Variants in PRKG1 observed in about 807,000 individuals in gnomAD.
PRKG1 encodes the protein cGMP-dependent protein kinase 1.
In PRKG1, 35 loss-of-function variants were observed where a neutral mutation model predicts 88.1. That is an observed-to-expected ratio of 0.40 (90% CI 0.30 to 0.53). PRKG1 has a LOEUF of 0.53. Ranked by LOEUF, PRKG1 falls within the 20% of genes least tolerant of loss-of-function variation. The pLI, the probability that PRKG1 is intolerant of heterozygous loss-of-function variation, is 0.59. For synonymous variants in PRKG1, 303 were observed against 292.5 expected (o/e 1.04, Z -0.37); for missense variants, 540 against 839.8 (o/e 0.64, Z 4.41).
chr10:51,365,999 T>A (rs899376841), intron 2 of PRKG1, among the ~76,000 whole-genome samples: 4 of 151,916 alleles, frequency 2.6e-5, no homozygotes, highest in Admixed American at 2.6e-4. Context: ...ATCACTCAAG[T>A]TCTATATCTT....
intron 3 of PRKG1, among the ~76,000 whole-genome samples, chr10:51,707,287 G>C (rs1404381602): frequency 2.0e-5 from 3 of 152,122 alleles, no homozygotes; most frequent in African/African-American, 7.2e-5. Context: ...AACTTTGACT[G>C]TGGAGGATAT....
At chr10:52,036,905 G>A (rs1308562014) in intron 5 of PRKG1, among the ~76,000 whole-genome samples, 25 of 152,226 alleles carry the variant, frequency 1.6e-4, no homozygotes, top group Non-Finnish European at 3.1e-4. Flanking sequence ...AGAAGGTAAT[G>A]TGGAGTGGGT....
At chr10:51,865,907 A>G (rs1322740580) in intron 4 of PRKG1, among the ~76,000 whole-genome samples, 1 of 152,038 alleles carries the variant, frequency 6.6e-6, no homozygotes, top group Non-Finnish European at 1.5e-5. Context: ...AGAATATGGA[A>G]CATAAATATA....
chr10:51,941,715 G>C (rs1287938641), intron 5 of PRKG1, among the ~76,000 whole-genome samples: 2 of 147,496 alleles, frequency 1.4e-5, no homozygotes, highest in Non-Finnish European at 3.0e-5. Context: ...TTGGTTTTTT[G>C]TCCTTGCGAT....
intron 2 of PRKG1, among the ~76,000 whole-genome samples, chr10:51,203,493 A>G (rs1395192206): frequency 1.3e-5 from 2 of 152,168 alleles, no homozygotes; most frequent in Non-Finnish European, 2.9e-5. Context: ...CTAAAAACCA[A>G]GAGGAAATGG....
At chr10:51,416,548 A>G (rs1838245159) in intron 2 of PRKG1, among the ~76,000 whole-genome samples, 1 of 152,228 alleles carries the variant, frequency 6.6e-6, no homozygotes. Flanking sequence ...ACCGGGACAC[A>G]GTAATCTTGT....
At chr10:51,919,787 G>T (rs766314633) in intron 5 of PRKG1, among the ~76,000 whole-genome samples, 36 of 151,710 alleles carry the variant, frequency 2.4e-4, no homozygotes, top group Non-Finnish European at 5.2e-4. Context: ...ATCCTATATT[G>T]CCTGGAACTT....
intron 1 of PRKG1, among the ~76,000 whole-genome samples, chr10:51,031,594 T>G (rs1291792215): frequency 6.6e-6 from 1 of 152,196 alleles, no homozygotes; most frequent in Non-Finnish European, 1.5e-5. Flanking sequence ...CATATTGCTC[T>G]TTACTGTATA....
chr10:51,496,945 C>G (rs1161478234), intron 3 of PRKG1, among the ~76,000 whole-genome samples: 1 of 152,158 alleles, frequency 6.6e-6, no homozygotes, highest in Non-Finnish European at 1.5e-5. Flanking sequence ...ATATTTCCTT[C>G]ATTCTAAACT....
intron 2 of PRKG1, among the ~76,000 whole-genome samples, chr10:51,222,179 C>T (rs565730209): frequency 6.6e-6 from 1 of 150,962 alleles, no homozygotes; most frequent in South Asian, 2.1e-4. Context: ...AGCCACCGCG[C>T]CCAGCCTGTT....
chr10:52,280,470 T>G (rs1411810423), intron 12 of PRKG1, among the ~76,000 whole-genome samples: 1 of 152,200 alleles, frequency 6.6e-6, no homozygotes. Context: ...TCTGTAAGTC[T>G]GTGCCTTTTT....
intron 3 of PRKG1, among the ~76,000 whole-genome samples, chr10:51,752,214 T>C (rs1425809762): frequency 6.6e-6 from 1 of 152,186 alleles, no homozygotes; most frequent in Non-Finnish European, 1.5e-5. Context: ...ATTATGCCTT[T>C]TAGTACTTGT....
At chr10:51,414,415 T>C (rs1019022092) in intron 2 of PRKG1, among the ~76,000 whole-genome samples, 4 of 152,326 alleles carry the variant, frequency 2.6e-5, no homozygotes, top group East Asian at 1.9e-4. Flanking sequence ...GAATAAATAG[T>C]ACAGTTAATA....
intron 5 of PRKG1, among the ~76,000 whole-genome samples, chr10:52,039,181 C>T (rs906639049): frequency 3.9e-5 from 6 of 152,032 alleles, no homozygotes; most frequent in East Asian, 1.9e-4. Flanking sequence ...TTATTTCACC[C>T]GGGTGCAGGC....
At chr10:51,932,700 G>C (rs1842719754) in intron 5 of PRKG1, among the ~76,000 whole-genome samples, 1 of 152,138 alleles carries the variant, frequency 6.6e-6, no homozygotes, top group Non-Finnish European at 1.5e-5. Flanking sequence ...GTTCTAACAA[G>C]GGTGATGCCA....
chr10:51,356,816 T>G (rs1387639116), intron 2 of PRKG1, among the ~76,000 whole-genome samples: 2 of 152,020 alleles, frequency 1.3e-5, no homozygotes, highest in Non-Finnish European at 2.9e-5. Flanking sequence ...CCATGGGCAA[T>G]TGCCTGACTC....
At chr10:51,868,897 A>C (rs1325688484) in intron 4 of PRKG1, among the ~76,000 whole-genome samples, 4 of 152,168 alleles carry the variant, frequency 2.6e-5, no homozygotes, top group Non-Finnish European at 1.5e-5. Flanking sequence ...GCATATAAAG[A>C]GGGATTTTGT....
chr10:51,290,773 C>T (rs1840563425), intron 2 of PRKG1, among the ~76,000 whole-genome samples: 1 of 152,114 alleles, frequency 6.6e-6, no homozygotes, highest in African/African-American at 2.4e-5. Flanking sequence ...TGTGGACTTT[C>T]TGATCTTTTT....
At chr10:51,269,891 A>C (rs1012302455) in intron 2 of PRKG1, among the ~76,000 whole-genome samples, 1 of 152,212 alleles carries the variant, frequency 6.6e-6, no homozygotes, top group African/African-American at 2.4e-5. Context: ...TGCTATCTTT[A>C]AAAAGATAAA....
Sources: gnomAD v4.1 joint callset for allele counts (sites outside exome capture counted in the v4.1 genomes callset) on GRCh38, gnomAD v4.1.1 for gene constraint, MANE v1.5 for transcripts, NCBI Gene and HGNC (gene_info 2026-07-23, HGNC 2026-07-21) for gene names.